LMO7: variants seen among roughly 807,000 people sequenced by gnomAD.
The protein encoded by LMO7 is LIM domain 7.
Under a neutral mutation model 206.5 loss-of-function variants are expected in LMO7, and 120 were observed. The ratio of observed to expected loss-of-function variants is 0.58; its 90% CI spans 0.50 to 0.68. The LOEUF is 0.68. Among genes scored for constraint, LMO7 ranks in the 30% least tolerant of loss-of-function variants. The pLI is 0.00. For missense variants in LMO7, 1,959 were observed against 1,957.9 expected, an observed-to-expected ratio of 1.00 and a Z score of -0.01; for synonymous variants, 706 against 681.5, an observed-to-expected ratio of 1.04 and a Z score of -0.56.
At chr13:75,835,628 A>G (rs930716959) in intron 18 of LMO7, among the ~76,000 whole-genome samples, 13 of 152,188 alleles carry the variant, frequency 8.5e-5, no homozygotes, top group Non-Finnish European at 1.9e-4. Flanking sequence ...CCCACCTCTC[A>G]GATCTTTGTG....
rs770064016 is a variant in LMO7, at chr13:75,713,247, G to A, written c.135G>A (p.Leu45=). Residue 45 remains leucine, a synonymous_variant, in exon 2 of 31, where the codon CTG becomes CTA. Coordinates refer to ENST00000377534, the MANE Select transcript of LMO7 (RefSeq NM_001306080.2). ...CCTCTCTAGAAAATGGTGTTCTGCTGTGTGAGTAAGTATTTAAAGTATTTA... is the reference window on the plus strand; with the variant it reads ...CCTCTCTAGAAAATGGTGTTCTGCTATGTGAGTAAGTATTTAAAGTATTTA... The part of the protein sequence containing the change: ...FRASLENGVL[L]CDLINKLKPG... 4 of 1,603,874 alleles carry A rather than the reference G, an allele frequency of 2.5e-6. No individual in the cohort carries two copies. The South Asian group carries it at 4.4e-5, about 18-fold the overall frequency.
At chr13:75,656,177 C>T (rs927918481) in intron 1 of LMO7, among the ~76,000 whole-genome samples, 4 of 152,182 alleles carry the variant, frequency 2.6e-5, no homozygotes, top group Non-Finnish European at 4.4e-5. Context: ...TTCCACTCTT[C>T]GTCTTCCAGT....
At position 75,808,075 on chromosome 13, in the gene LMO7, C is replaced by T. The variant is rs760622688; in HGVS notation, c.1792C>T (p.Leu598=). 1.9e-6 allele frequency: 3 copies of T among 1,613,954 alleles called. No homozygotes were observed. The highest frequency in any genetic ancestry group is 2.2e-5 in the South Asian group (2 of 91,086). ...GACACGTAAGATTCAGTCCTGGAAA[C>T]TGGGAACTACCGTGCCTCCCATCAG... The part of the protein sequence containing the change: ...MLTRKIQSWK[L]GTTVPPISFT... Residue 598 remains leucine, a synonymous_variant, in exon 10 of 31, where the codon CTG becomes TTG. Transcript: ENST00000377534.
At chr13:75,824,710 C>T (rs926760425) in intron 15 of LMO7, among the ~76,000 whole-genome samples, 5 of 151,918 alleles carry the variant, frequency 3.3e-5, no homozygotes, top group African/African-American at 4.8e-5. Context: ...TTTTGTGGTC[C>T]TTTGGCTTGG....
chr13:75,677,642 CT>C (rs10633628), intron 1 of LMO7, among the ~76,000 whole-genome samples: 66 of 147,734 alleles, frequency 4.5e-4, no homozygotes, highest in Middle Eastern at 3.5e-3. Context: ...TGTCCTGTAG[CT>C]TTTTTTTTTT....
chr13:75,806,274 G>T, intron 9 of LMO7: 1 of 987,822 alleles, frequency 1.0e-6, no homozygotes, highest in Non-Finnish European at 1.2e-6. Flanking sequence ...GCCCCTGTCT[G>T]CATGAGCCTG....
chr13:75,686,257 A>G (rs1174848167), intron 1 of LMO7, among the ~76,000 whole-genome samples: 2 of 152,184 alleles, frequency 1.3e-5, no homozygotes, highest in African/African-American at 2.4e-5. Flanking sequence ...GTGGCTCACA[A>G]TCATGGTGGA....
chr13:75,807,625 G>T lies in LMO7; in HGVS notation c.1342G>T (p.Asp448Tyr). The change falls in exon 10 of 31, where the codon GAC becomes TAC. Residue 448 changes from aspartate to tyrosine, a missense_variant. Coordinates refer to ENST00000377534, the MANE Select transcript of LMO7 (RefSeq NM_001306080.2). ...LSYAPGYRRDDLEMAALDPDL... is the reference protein window; with the variant it reads ...LSYAPGYRRDYLEMAALDPDL... ...TTATGCACCAGGCTATAGAAGAGAT[G>T]ACCTCGAGATGGCAGCCCTGGATCC... 2 of 1,613,978 alleles carry T rather than the reference G, an allele frequency of 1.2e-6. No homozygotes were observed. Among genetic ancestry groups the T allele is most frequent in the Non-Finnish European group, 1.7e-6 (2 of 1,179,888 alleles).
chr13:75,743,208 G>T (rs1046757414), intron 3 of LMO7, among the ~76,000 whole-genome samples: 1 of 152,152 alleles, frequency 6.6e-6, no homozygotes, highest in Non-Finnish European at 1.5e-5. Context: ...TTACTAAAAA[G>T]TCAAAAAATA....
Position 75,621,782 on chromosome 13 carries a change from T to C in LMO7, c.89T>C (p.Leu30Pro), listed in dbSNP as rs2033327427. Residue 30 changes from leucine (L) to proline (P), a missense_variant, in exon 1 of 30, where the codon CTG becomes CCG. By Grantham distance (98) the Leu-to-Pro change is moderately conservative. Transcript: ENST00000341547. ...TTCCAGAGAACAGAGCTCGGAGCTCTGGAAATTTGGAGGCAACTGATATGT... is the reference window on the plus strand; with the variant it reads ...TTCCAGAGAACAGAGCTCGGAGCTCCGGAAATTTGGAGGCAACTGATATGT... The C allele has an allele frequency of 1.2e-6, 2 of 1,613,632 alleles. No homozygotes were observed. Among genetic ancestry groups the C allele is most frequent in the South Asian group, 1.1e-5 (1 of 90,992 alleles).
At chr13:75,787,825 T>A (rs1213504577) in intron 4 of LMO7, among the ~76,000 whole-genome samples, 1 of 152,338 alleles carries the variant, frequency 6.6e-6, no homozygotes, top group South Asian at 2.1e-4. Context: ...AGGTAGATTC[T>A]GTTTCTTAGT....
intron 1 of LMO7, among the ~76,000 whole-genome samples, chr13:75,695,294 A>G (rs1476432378): frequency 6.6e-6 from 1 of 152,196 alleles, no homozygotes; most frequent in African/African-American, 2.4e-5. Context: ...GGTGATTTAT[A>G]TATGTTTGGC....
At chr13:75,676,398 A>G (rs769824809) in intron 1 of LMO7, among the ~76,000 whole-genome samples, 1 of 152,236 alleles carries the variant, frequency 6.6e-6, no homozygotes, top group Non-Finnish European at 1.5e-5. Context: ...TCTAAGTTAT[A>G]TACGAGCACT....
intron 4 of LMO7, among the ~76,000 whole-genome samples, chr13:75,788,452 C>CAAAAAA (rs10638523): frequency 4.7e-4 from 28 of 59,960 alleles, no homozygotes; most frequent in African/African-American, 1.6e-3. Context: ...AACTCTGCCT[C>CAAAAAA]AAAAAAAAAA....
At chr13:75,846,198 A>G (rs1379508781) in intron 26 of LMO7, among the ~76,000 whole-genome samples, 1 of 152,206 alleles carries the variant, frequency 6.6e-6, no homozygotes. Context: ...AAAACAACCT[A>G]TCTACAGGCC....
At chr13:75,791,999 G>A (rs940343229) in intron 4 of LMO7, among the ~76,000 whole-genome samples, 4 of 151,796 alleles carry the variant, frequency 2.6e-5, no homozygotes, top group Non-Finnish European at 4.4e-5. Flanking sequence ...AGAGGGTCTC[G>A]CTTTGTCACC....
intron 3 of LMO7, among the ~76,000 whole-genome samples, chr13:75,733,956 A>G (rs111357027): frequency 6.6e-6 from 1 of 152,182 alleles, no homozygotes; most frequent in Admixed American, 6.5e-5. Flanking sequence ...CGAGATGTGC[A>G]CCAGTTGTTA....
chr13:75,704,748 C>T (rs1289051222), intron 1 of LMO7, among the ~76,000 whole-genome samples: 2 of 152,090 alleles, frequency 1.3e-5, no homozygotes, highest in South Asian at 2.1e-4. Flanking sequence ...GTGGATTATG[C>T]GATCAGAACT....
intron 26 of LMO7, 102 bp downstream of exon 26, chr13:75,845,481 A>C: frequency 3.1e-6 from 2 of 651,960 alleles, no homozygotes; most frequent in Non-Finnish European, 5.3e-6. Flanking sequence ...ATTCATTAAG[A>C]TTACTTAATT....
Sources: gnomAD v4.1 joint callset for allele counts (sites outside exome capture counted in the v4.1 genomes callset) on GRCh38, gnomAD v4.1.1 for gene constraint, MANE v1.5 for transcripts, NCBI Gene and HGNC (gene_info 2026-07-23, HGNC 2026-07-21) for gene names.